ADAMTSL1: variants seen among roughly 807,000 people sequenced by gnomAD.
The protein encoded by ADAMTSL1 is ADAMTS-like protein 1.
A neutral mutation model predicts 201.8 loss-of-function variants in ADAMTSL1; 126 were observed. That is an observed-to-expected ratio of 0.62 (90% CI 0.54 to 0.72). ADAMTSL1 has a LOEUF of 0.72. Ranked by LOEUF, ADAMTSL1 falls within the 30% of genes least tolerant of loss-of-function variation. The pLI is 0.00. For missense variants in ADAMTSL1, 2,679 were observed against 2,277.8 expected (o/e 1.18, Z -3.59); for synonymous variants, 1,121 against 903.4 (o/e 1.24, Z -4.32).
chr9:18,657,537 C>A, intron 7 of ADAMTSL1, 102 bp from the exon 8 acceptor site: 1 of 812,954 alleles, frequency 1.2e-6, no homozygotes, highest in Non-Finnish European at 2.1e-6. Flanking sequence ...CCTCACACAG[C>A]CTAAAACCAT....
intron 1 of ADAMTSL1, among the ~76,000 whole-genome samples, chr9:18,073,432 A>G (rs1823053012): frequency 1.3e-5 from 2 of 152,314 alleles, no homozygotes; most frequent in East Asian, 3.9e-4. Flanking sequence ...GAAGATATCT[A>G]AAGGGGGCAC....
At chr9:18,084,228 A>T (rs190210036) in intron 1 of ADAMTSL1, among the ~76,000 whole-genome samples, 7 of 152,296 alleles carry the variant, frequency 4.6e-5, no homozygotes, top group African/African-American at 1.4e-4. Flanking sequence ...TAAAATTAAG[A>T]GGTGGTGGTG....
chr9:18,019,077 T>A (rs10738493), intron 1 of ADAMTSL1, among the ~76,000 whole-genome samples: 78,885 of 151,850 alleles, frequency 0.52, 20,555 homozygotes, highest in South Asian at 0.61. Flanking sequence ...AGAAAATGTT[T>A]TCGAAAAACT....
intron 2 of ADAMTSL1, among the ~76,000 whole-genome samples, chr9:18,526,205 T>A (rs1819034275): frequency 6.6e-6 from 1 of 152,228 alleles, no homozygotes; most frequent in Non-Finnish European, 1.5e-5. Context: ...AATAGCCTTC[T>A]TTGTCTCTTT....
At chr9:18,569,124 C>T (rs1252890581) in intron 3 of ADAMTSL1, among the ~76,000 whole-genome samples, 3 of 152,150 alleles carry the variant, frequency 2.0e-5, no homozygotes, top group Non-Finnish European at 2.9e-5. Context: ...CCTGACCCTC[C>T]TTTGTCTCAC....
intron 2 of ADAMTSL1, among the ~76,000 whole-genome samples, chr9:18,270,371 G>A (rs7852708): frequency 0.42 from 63,778 of 151,818 alleles, 13,731 homozygotes; most frequent in South Asian, 0.51. Flanking sequence ...GAACACAAAC[G>A]TTCAGACCAT....
intron 23 of ADAMTSL1, among the ~76,000 whole-genome samples, chr9:18,831,973 G>T (rs901707987): frequency 6.6e-6 from 1 of 152,174 alleles, no homozygotes; most frequent in Non-Finnish European, 1.5e-5. Flanking sequence ...GAAGAGAAAT[G>T]GGCACTCAAG....
intron 1 of ADAMTSL1, among the ~76,000 whole-genome samples, chr9:17,976,541 G>T (rs1165138397): frequency 6.6e-6 from 1 of 151,566 alleles, no homozygotes; most frequent in Non-Finnish European, 1.5e-5. Flanking sequence ...CGGAGAATTG[G>T]TTGTTAGTGT....
At chr9:18,336,996 G>T (rs893807101) in intron 2 of ADAMTSL1, among the ~76,000 whole-genome samples, 1 of 152,120 alleles carries the variant, frequency 6.6e-6, no homozygotes, top group Non-Finnish European at 1.5e-5. Context: ...TACTGTGATG[G>T]TTAACATTGA....
chr9:18,410,328 A>G (rs185207410), intron 2 of ADAMTSL1, among the ~76,000 whole-genome samples: 1 of 152,166 alleles, frequency 6.6e-6, no homozygotes, highest in East Asian at 1.9e-4. Flanking sequence ...TTAAGCATCC[A>G]TTAGCTCTTC....
intron 2 of ADAMTSL1, among the ~76,000 whole-genome samples, chr9:18,380,460 A>C (rs1837508285): frequency 6.6e-6 from 1 of 152,350 alleles, no homozygotes; most frequent in South Asian, 2.1e-4. Context: ...TAGATACTAT[A>C]CAGCAAATTT....
chr9:18,601,644 T>C (rs1824665396), intron 4 of ADAMTSL1, among the ~76,000 whole-genome samples: 1 of 152,202 alleles, frequency 6.6e-6, no homozygotes, highest in South Asian at 2.1e-4. Context: ...TGTATATTTA[T>C]TTCTAAATTA....
At chr9:18,018,400 T>G (rs1424784755) in intron 1 of ADAMTSL1, among the ~76,000 whole-genome samples, 1 of 152,106 alleles carries the variant, frequency 6.6e-6, no homozygotes, top group Non-Finnish European at 1.5e-5. Context: ...CCTTCTGAAA[T>G]GTAGCCTTTA....
intron 2 of ADAMTSL1, among the ~76,000 whole-genome samples, chr9:18,235,748 C>G (rs956975690): frequency 5.9e-5 from 9 of 152,122 alleles, no homozygotes; most frequent in African/African-American, 2.2e-4. Flanking sequence ...GTGGTGCTGA[C>G]CCCTCCCTTT....
At chr9:18,091,926 A>G (rs1490456483) in intron 1 of ADAMTSL1, among the ~76,000 whole-genome samples, 3 of 152,180 alleles carry the variant, frequency 2.0e-5, no homozygotes, top group Admixed American at 6.6e-5. Context: ...ACAAAGGTCC[A>G]AGACAAGCTT....
rs1829838011 is a variant in ADAMTSL1, at chr9:18,210,726, C to G, written c.207+46745C>G. ...GCTCAAAGGCAACGAACAGCTCTGG[C>G]AGCTTAGAAGGGTATACTAGGCAGG... On this transcript the variant is annotated intron_variant, in intron 2 of 29. Transcript: ENST00000680146. Among the ~76,000 whole-genome samples, 4 of 151,658 alleles carry G rather than the reference C, an allele frequency of 2.6e-5. No individual in the cohort carries two copies. In the South Asian group the frequency reaches 8.3e-4, roughly 32 times the overall value.
intron 20 of ADAMTSL1, among the ~76,000 whole-genome samples, chr9:18,800,151 C>A (rs1822692863): frequency 6.6e-6 from 1 of 151,986 alleles, no homozygotes; most frequent in Non-Finnish European, 1.5e-5. Flanking sequence ...CTGAGGCGGG[C>A]AGATGGCCTG....
intron 2 of ADAMTSL1, among the ~76,000 whole-genome samples, chr9:18,306,587 A>T (rs1479479160): frequency 6.6e-6 from 1 of 152,150 alleles, no homozygotes; most frequent in Non-Finnish European, 1.5e-5. Flanking sequence ...AGAAGAAAGG[A>T]TATCAGAGAT....
intron 1 of ADAMTSL1, among the ~76,000 whole-genome samples, chr9:18,151,979 C>T (rs1826936885): frequency 6.6e-6 from 1 of 152,044 alleles, no homozygotes; most frequent in Admixed American, 6.6e-5. Context: ...GCTCTACTAG[C>T]TCATACTGTG....
Sources: allele counts gnomAD v4.1 joint callset (sites outside exome capture counted in the v4.1 genomes callset), GRCh38; gene constraint gnomAD v4.1.1; transcripts MANE v1.5; gene names NCBI Gene and HGNC (gene_info 2026-07-23, HGNC 2026-07-21).